TRIT1: variants seen among roughly 807,000 people sequenced by gnomAD.
TRIT1 encodes tRNA dimethylallyltransferase.
Under a neutral mutation model 51.2 loss-of-function variants are expected in TRIT1, and 43 were observed. That is an observed-to-expected ratio of 0.84 (90% CI 0.66 to 1.08). The LOEUF is 1.08. Ranked by LOEUF, TRIT1 falls within the 50% of genes least tolerant of loss-of-function variation. TRIT1 has a pLI of 0.00. For synonymous variants in TRIT1, 184 were observed against 203.9 expected (o/e 0.90, Z 0.83); for missense variants, 528 against 578.4 (o/e 0.91, Z 0.89).
chr1:39,864,466 G>A (rs539923293), intron 1 of TRIT1, among the ~76,000 whole-genome samples: 11 of 151,706 alleles, frequency 7.3e-5, no homozygotes, highest in African/African-American at 2.2e-4. Context: ...AACATTAGCC[G>A]GGCGTGGTGG....
In TRIT1 at chr1:39,851,749, C is replaced by T. The variant is rs1040358440; in HGVS notation, c.560+982G>A. Among the ~76,000 whole-genome samples, 17 of 151,780 alleles carry T rather than the reference C, an allele frequency of 1.1e-4. 1 individual carries two copies. The highest frequency in any genetic ancestry group is 4.1e-4 in the African/African-American group (17 of 41,362). ...CTTGAGCCTAGGAGTTTGGAACCAGCCTGGGCAACACAGCAAAACATCTCT... is the reference window on the plus strand; with the variant it reads ...CTTGAGCCTAGGAGTTTGGAACCAGTCTGGGCAACACAGCAAAACATCTCT... On this transcript the variant is annotated intron_variant, in intron 4 of 10. Transcript: ENST00000316891.
At chr1:39,881,571 AC>A (rs1644267833) in intron 1 of TRIT1, 2 of 150,328 alleles carry the variant, frequency 1.3e-5, no homozygotes, top group Non-Finnish European at 3.0e-5. Context: ...TTTTTTTAAG[AC>A]TAGTCATGTA....
intron 1 of TRIT1, 121 bp from the exon 2 acceptor site, chr1:39,857,538 A>T: frequency 9.2e-7 from 1 of 1,083,512 alleles, no homozygotes; most frequent in Admixed American, 2.6e-5. Context: ...CCAAAGCACC[A>T]GGGTAGATGT....
At chr1:39,874,811 A>T (rs2124678612) in intron 1 of TRIT1, among the ~76,000 whole-genome samples, 1 of 152,050 alleles carries the variant, frequency 6.6e-6, no homozygotes, top group African/African-American at 2.4e-5. Flanking sequence ...GATTACAGGC[A>T]TGCACCACCA....
At position 39,847,168 on chromosome 1, in the gene TRIT1, C is replaced by A. The variant is rs559271018; in HGVS notation, c.1006+52G>T. 1.8e-4 allele frequency: 270 copies of A among 1,461,020 alleles called. 1 individual carries two copies. In the South Asian group the frequency reaches 3.0e-3, roughly 16 times the overall value. The allele number at this position is 1,461,020 out of a possible 1,614,324, so 90.5% of individuals were successfully genotyped here. A position where few individuals can be genotyped will look rare whatever the true frequency, so the allele number is the denominator to read the frequency against. On this transcript the variant is annotated intron_variant, in intron 8 of 10. Coordinates refer to ENST00000316891, the MANE Select transcript of TRIT1 (RefSeq NM_017646.6). ...CATTTTCTGGGTGAGCTGAGGACAT[C>A]TATATTCTATTGAAAACAGACCCAT...
At chr1:39,847,945 A>C (rs1642328989) in intron 6 of TRIT1, 41 bp downstream of exon 6, 1 of 1,573,534 alleles carries the variant, frequency 6.4e-7, no homozygotes, top group Non-Finnish European at 8.7e-7. Context: ...GATTGTCTGC[A>C]AAATATGGAC....
At chr1:39,852,299 G>A (rs1032512286) in intron 4 of TRIT1, among the ~76,000 whole-genome samples, 2 of 152,152 alleles carry the variant, frequency 1.3e-5, no homozygotes, top group Middle Eastern at 6.3e-3. Flanking sequence ...CATGTGCAAA[G>A]GTGAGCTGAT....
At chr1:39,882,457 T>G (rs1366441733) in intron 1 of TRIT1, among the ~76,000 whole-genome samples, 1 of 152,222 alleles carries the variant, frequency 6.6e-6, no homozygotes, top group Non-Finnish European at 1.5e-5. Context: ...AAATAGCTGC[T>G]GTAGTTCCTC....
At position 39,861,888 on chromosome 1, in the gene TRIT1, C is replaced by T. The variant is rs535937427; in HGVS notation, c.175-4471G>A. Among the ~76,000 whole-genome samples, 44 of 148,742 alleles carry T rather than the reference C, an allele frequency of 3.0e-4. No individual in the cohort carries two copies. The South Asian group carries it at 6.1e-3, about 21-fold the overall frequency. On this transcript the variant is annotated intron_variant, in intron 1 of 10. Transcript: ENST00000316891. ...GCAGTGAGCTGAGATCGCACCACTG[C>T]GCTCCAGCCTGGGCAAGAGAGCAAG...
At chr1:39,875,822 A>G (rs1437000803) in intron 1 of TRIT1, among the ~76,000 whole-genome samples, 1 of 152,166 alleles carries the variant, frequency 6.6e-6, no homozygotes, top group Admixed American at 6.6e-5. Flanking sequence ...AAAGTATAAA[A>G]CAGCATGGAG....
intron 2 of TRIT1, 97 bp downstream of exon 2, chr1:39,857,180 C>T (rs1642950230): frequency 7.0e-7 from 1 of 1,429,164 alleles, no homozygotes; most frequent in Non-Finnish European, 9.4e-7. Context: ...CCTTGGGTGC[C>T]CCTTCTGAGA....
At chr1:39,852,457 A>C (rs1056372297) in intron 4 of TRIT1, 1 of 349,634 alleles carries the variant, frequency 2.9e-6, no homozygotes, top group Non-Finnish European at 5.1e-6. Context: ...ATACAAGCAA[A>C]GATCAAATAG....
In TRIT1 at chr1:39,862,894, C is replaced by A; in HGVS notation, c.175-5477G>T. ...GTGTTATCTTTCAAAGACAGCATGC[C>A]ACTCTGCTCCATTTCCCCTTCTCCC... On this transcript the variant is annotated intron_variant, in intron 1 of 10. Coordinates refer to ENST00000316891, the MANE Select transcript of TRIT1 (RefSeq NM_017646.6). 4 of 985,394 alleles carry A rather than the reference C, an allele frequency of 4.1e-6. No individual in the cohort carries two copies. In the South Asian group the frequency reaches 1.9e-4, roughly 46 times the overall value. The allele number at this position is 985,394 out of a possible 1,614,324, so 61.0% of individuals were successfully genotyped here.
chr1:39,853,522 A>G (rs1394526937), intron 3 of TRIT1, among the ~76,000 whole-genome samples: 10 of 151,814 alleles, frequency 6.6e-5, no homozygotes. Flanking sequence ...CAGCCTCCCT[A>G]GTAGCTGGGA....
intron 1 of TRIT1, among the ~76,000 whole-genome samples, chr1:39,882,204 CAAAGTAG>C (rs998025937): frequency 5.3e-5 from 8 of 152,210 alleles, no homozygotes; most frequent in African/African-American, 1.9e-4. Context: ...GAAGCTGGCA[CAAAGTAG>C]ACTGCAAACA....
At chr1:39,848,599 G>C (rs552503760) in intron 5 of TRIT1, among the ~76,000 whole-genome samples, 1 of 151,220 alleles carries the variant, frequency 6.6e-6, no homozygotes, top group Non-Finnish European at 1.5e-5. Flanking sequence ...GCCGAGGTGG[G>C]TGGATCACGA....
chr1:39,845,487 C>T (rs1557531145), intron 8 of TRIT1, among the ~76,000 whole-genome samples: 1 of 152,240 alleles, frequency 6.6e-6, no homozygotes. Context: ...CAACGACTGG[C>T]AGGTGCTGGC....
At chr1:39,844,763 G>A in intron 8 of TRIT1, 123 bp from the exon 9 acceptor site, 1 of 668,496 alleles carries the variant, frequency 1.5e-6, no homozygotes, top group Non-Finnish European at 2.6e-6. Context: ...TGACCATGCT[G>A]TTAATTCTAA....
chr1:39,869,068 GCTCTCC>G lies in TRIT1; in HGVS notation c.175-11657_175-11652del, dbSNP rs1247258552. 1.7e-3 allele frequency among the ~76,000 whole-genome samples: 265 copies of G among 151,752 alleles called. 2 individuals carry two copies. The highest frequency in any genetic ancestry group is 5.9e-3 in the African/African-American group (243 of 41,426). ...AGAGCAAAACTCTGTCTGAAAAAAA[GCTCTCC>G]CTCTCCCTCTCCCCCTCCCCCTCCC... On this transcript the variant is annotated intron_variant, in intron 1 of 10. Coordinates refer to ENST00000316891, the MANE Select transcript of TRIT1 (RefSeq NM_017646.6).
Sources: allele counts gnomAD v4.1 joint callset (sites outside exome capture counted in the v4.1 genomes callset), GRCh38; gene constraint gnomAD v4.1.1; transcripts MANE v1.5; gene names NCBI Gene and HGNC (gene_info 2026-07-23, HGNC 2026-07-21).